Variants in SENP8 observed in about 807,000 individuals in gnomAD.
The protein encoded by SENP8 is sentrin-specific protease 8.
SENP8 carries 10 observed loss-of-function variants against 14.4 expected under a neutral mutation model. The ratio of observed to expected loss-of-function variants is 0.69; its 90% CI spans 0.43 to 1.18. The LOEUF is 1.18. Ranked by LOEUF, SENP8 falls within the 50% of genes most tolerant of loss-of-function variation. The pLI is 0.00. For missense variants in SENP8, 202 were observed against 249.4 expected, an observed-to-expected ratio of 0.81 and a Z score of 1.28; for synonymous variants, 94 against 95.5, an observed-to-expected ratio of 0.98 and a Z score of 0.09.
intron 1 of SENP8, among the ~76,000 whole-genome samples, chr15:72,123,958 G>C (rs2081190523): frequency 6.6e-6 from 1 of 152,128 alleles, no homozygotes; most frequent in Admixed American, 6.5e-5. Context: ...GGAGAGCCTT[G>C]GTGTTAGATG....
At chr15:72,135,033 C>T in intron 1 of SENP8, 1 of 339,620 alleles carries the variant, frequency 2.9e-6, no homozygotes, top group South Asian at 2.5e-5. Flanking sequence ...CACCAGCCTG[C>T]TCCACCCAGA....
intron 1 of SENP8, chr15:72,139,264 A>T (rs1302658567): frequency 5.5e-6 from 1 of 181,344 alleles, no homozygotes; most frequent in Non-Finnish European, 1.1e-5. Context: ...AAGCTAGGGG[A>T]AAATATTAAG....
At chr15:72,134,860 ATTG>A in intron 1 of SENP8, 1 of 285,224 alleles carries the variant, frequency 3.5e-6, no homozygotes, top group Non-Finnish European at 6.9e-6. Context: ...TGATGTTGGC[ATTG>A]TTGTAAGCAA....
upstream of SENP8, among the ~76,000 whole-genome samples, chr15:72,115,733 T>C (rs1371010138): frequency 6.6e-6 from 1 of 152,234 alleles, no homozygotes; most frequent in Non-Finnish European, 1.5e-5. Flanking sequence ...TCACAGCTAG[T>C]CACACTGTGG....
intron 1 of SENP8, among the ~76,000 whole-genome samples, chr15:72,122,307 A>G (rs1040665472): frequency 6.7e-6 from 1 of 150,126 alleles, no homozygotes; most frequent in Non-Finnish European, 1.5e-5. Flanking sequence ...CTGACTTTTA[A>G]AAGTCAGAAC....
At chr15:72,139,135 C>A (rs982140637) in intron 1 of SENP8, among the ~76,000 whole-genome samples, 1 of 151,552 alleles carries the variant, frequency 6.6e-6, no homozygotes, top group African/African-American at 2.4e-5. Flanking sequence ...TTACAAATAA[C>A]CTTACCAATA....
chr15:72,138,553 T>TCTAC (rs1458803689), intron 1 of SENP8, among the ~76,000 whole-genome samples: 2 of 151,308 alleles, frequency 1.3e-5, no homozygotes, highest in African/African-American at 2.4e-5. Context: ...TTTCACCATG[T>TCTAC]TGGCCAGGCT....
chr15:72,138,964 C>CAA (rs71133960), intron 1 of SENP8, among the ~76,000 whole-genome samples: 20 of 42,632 alleles, frequency 4.7e-4, no homozygotes, highest in Admixed American at 8.9e-4. Flanking sequence ...GACTCCATCT[C>CAA]AAAAAAAAAA....
At chr15:72,131,569 TAAG>T (rs935734835) in intron 1 of SENP8, among the ~76,000 whole-genome samples, 7 of 152,208 alleles carry the variant, frequency 4.6e-5, no homozygotes, top group South Asian at 2.1e-4. Context: ...TTAGGATTAA[TAAG>T]AAGTAATCTC....
upstream of SENP8, chr15:72,118,226 A>C (rs1249887706): frequency 1.2e-5 from 4 of 337,662 alleles, no homozygotes; most frequent in Admixed American, 4.9e-5. Flanking sequence ...ACGCCACTGG[A>C]GAGTACAGCG....
intron 1 of SENP8, among the ~76,000 whole-genome samples, chr15:72,125,563 A>G (rs1199482234): frequency 6.6e-6 from 1 of 152,054 alleles, no homozygotes; most frequent in Non-Finnish European, 1.5e-5. Context: ...AAGTTGTGCC[A>G]ATGCTACTTA....
At chr15:72,117,669 G>A (rs1192829388), upstream of SENP8, 4 of 396,398 alleles carry the variant, frequency 1.0e-5, no homozygotes, top group Admixed American at 4.4e-5. Context: ...GGGCGCTTGG[G>A]CGGGTCTTAC....
At chr15:72,120,289 G>T (rs2081153524) in intron 1 of SENP8, among the ~76,000 whole-genome samples, 1 of 152,210 alleles carries the variant, frequency 6.6e-6, no homozygotes, top group South Asian at 2.1e-4. Flanking sequence ...CAGAGAAGCT[G>T]TATGAGGTAA....
At chr15:72,127,924 A>G (rs987432061) in intron 1 of SENP8, among the ~76,000 whole-genome samples, 2 of 152,150 alleles carry the variant, frequency 1.3e-5, no homozygotes, top group African/African-American at 4.8e-5. Flanking sequence ...CCCTGCCTCT[A>G]TAAAAAAAAA....
At chr15:72,118,645 C>T (rs1267848012) in intron 1 of SENP8, 181 bp downstream of exon 1, 1 of 152,226 alleles carries the variant, frequency 6.6e-6, no homozygotes, top group Non-Finnish European at 1.5e-5. Context: ...CCTCCATTGT[C>T]CCCGCCCCGA....
chr15:72,138,690 C>T (rs368173848), intron 1 of SENP8, among the ~76,000 whole-genome samples: 1 of 151,000 alleles, frequency 6.6e-6, no homozygotes, highest in African/African-American at 2.4e-5. Flanking sequence ...ACGCCAGGTG[C>T]GGTGGCTCAC....
At position 72,141,147 on chromosome 15, in the gene SENP8, A is replaced by G. The variant is rs2081377236; in HGVS notation, c.*885A>G. 1 of 152,894 alleles carries G rather than the reference A, an allele frequency of 6.5e-6. No homozygotes were observed. The highest frequency in any genetic ancestry group is 1.5e-5 in the Non-Finnish European group (1 of 68,032). 9.5% of individuals were successfully genotyped at this position (152,894 alleles called of 1,614,324 possible). ...TTCAGATAAACATTTGTTCTTCCTGATAGTTATAGGTTTTCCTCTCTGTCC... is the reference window on the plus strand; with the variant it reads ...TTCAGATAAACATTTGTTCTTCCTGGTAGTTATAGGTTTTCCTCTCTGTCC... On this transcript the variant is annotated 3_prime_UTR_variant, in exon 2 of 2. Transcript: ENST00000340912.
chr15:72,132,582 C>T (rs971147142), intron 1 of SENP8, among the ~76,000 whole-genome samples: 4 of 146,956 alleles, frequency 2.7e-5, no homozygotes, highest in African/African-American at 9.9e-5. Context: ...CCTTTTCTCC[C>T]ACCCCATTGA....
chr15:72,132,653 C>CCT (rs2081285578), intron 1 of SENP8, among the ~76,000 whole-genome samples: 1 of 125,132 alleles, frequency 8.0e-6, no homozygotes, highest in South Asian at 2.6e-4. Flanking sequence ...TTTCATAATT[C>CCT]TTTTTTTTTT....
Sources: gnomAD v4.1 joint callset for allele counts (sites outside exome capture counted in the v4.1 genomes callset) on GRCh38, gnomAD v4.1.1 for gene constraint, MANE v1.5 for transcripts, NCBI Gene and HGNC (gene_info 2026-07-23, HGNC 2026-07-21) for gene names.